SCAPER: variants seen among roughly 807,000 people sequenced by gnomAD.
SCAPER encodes the protein S-phase cyclin A associated protein in the ER.
SCAPER carries 98 observed loss-of-function variants against 182.2 expected under a neutral mutation model. The observed-to-expected ratio is 0.54, with a 90% CI of 0.46 to 0.64. The LOEUF (loss-of-function observed/expected upper bound fraction) is 0.64, where lower values mean the gene tolerates loss of function less well. Among genes scored for constraint, SCAPER ranks in the 30% least tolerant of loss-of-function variants. The pLI is 0.00. For missense variants in SCAPER, 1,432 were observed against 1,690.0 expected (o/e 0.85, Z 2.68); for synonymous variants, 605 against 564.6 (o/e 1.07, Z -1.01).
chr15:76,429,011 C>T (rs550896348), intron 26 of SCAPER, among the ~76,000 whole-genome samples: 5 of 151,196 alleles, frequency 3.3e-5, no homozygotes, highest in South Asian at 2.1e-4. Context: ...GGGAGGCAAT[C>T]GAATCATGGG....
chr15:76,811,887 T>C (rs1253749234), intron 5 of SCAPER, among the ~76,000 whole-genome samples: 2 of 151,600 alleles, frequency 1.3e-5, no homozygotes, highest in African/African-American at 2.4e-5. Flanking sequence ...TAAATACCTA[T>C]ATTGAAGAAG....
intron 2 of SCAPER, among the ~76,000 whole-genome samples, chr15:76,865,308 T>C (rs1227781078): frequency 6.6e-6 from 1 of 152,126 alleles, no homozygotes; most frequent in Non-Finnish European, 1.5e-5. Context: ...ACTCATTACC[T>C]TTAAAGCAAC....
At chr15:76,737,563 G>A (rs1014425880) in intron 15 of SCAPER, among the ~76,000 whole-genome samples, 9 of 152,208 alleles carry the variant, frequency 5.9e-5, no homozygotes, top group African/African-American at 1.9e-4. Context: ...GCTTCAACTT[G>A]AAGTCACCAG....
At chr15:76,504,768 A>T in intron 24 of SCAPER, 91 bp downstream of exon 24, 2 of 1,040,120 alleles carry the variant, frequency 1.9e-6, no homozygotes, top group Non-Finnish European at 2.7e-6. Context: ...GAATACACAT[A>T]CAATTTTCTT....
chr15:76,540,628 G>A (rs1282336844), intron 23 of SCAPER, among the ~76,000 whole-genome samples: 2 of 151,910 alleles, frequency 1.3e-5, no homozygotes, highest in Admixed American at 1.3e-4. Context: ...AAATTGTTAT[G>A]TCTGAGGAGA....
intron 1 of SCAPER, among the ~76,000 whole-genome samples, chr15:76,899,542 C>T (rs1398530771): frequency 6.6e-6 from 1 of 152,222 alleles, no homozygotes; most frequent in Non-Finnish European, 1.5e-5. Context: ...CCTGCCTTGG[C>T]CTCCCAAAGT....
At chr15:76,804,465 T>C (rs1403252722) in intron 6 of SCAPER, 68 bp downstream of exon 6, 1 of 1,018,620 alleles carries the variant, frequency 9.8e-7, no homozygotes, top group African/African-American at 1.6e-5. Flanking sequence ...TTAAGTTTAT[T>C]GTCCGTTTCA....
chr15:76,483,295 C>CA (rs61261703), intron 24 of SCAPER, among the ~76,000 whole-genome samples: 17,290 of 132,882 alleles, frequency 0.13, 1,450 homozygotes, highest in African/African-American at 0.27. Context: ...TATTCACATG[C>CA]AAAAAAAAAA....
At chr15:76,377,829 G>C (rs935940701) in intron 28 of SCAPER, among the ~76,000 whole-genome samples, 1 of 152,210 alleles carries the variant, frequency 6.6e-6, no homozygotes, top group Non-Finnish European at 1.5e-5. Flanking sequence ...TTGAAGAAGG[G>C]TGAAGGAGCA....
At chr15:76,413,598 C>T (rs1420856063) in intron 26 of SCAPER, among the ~76,000 whole-genome samples, 1 of 152,192 alleles carries the variant, frequency 6.6e-6, no homozygotes, top group African/African-American at 2.4e-5. Context: ...GTGATGATGT[C>T]TTCCTTTAGA....
intron 22 of SCAPER, among the ~76,000 whole-genome samples, chr15:76,574,982 C>A (rs914417708): frequency 6.6e-6 from 1 of 152,118 alleles, no homozygotes; most frequent in East Asian, 1.9e-4. Context: ...TATATATCAT[C>A]CCCGTTGCCT....
At chr15:76,872,790 T>TATGAATACAAAAGAGTATGAATACAAA (rs1419362191) in intron 2 of SCAPER, among the ~76,000 whole-genome samples, 58 of 151,768 alleles carry the variant, frequency 3.8e-4, no homozygotes, top group African/African-American at 1.4e-3. Flanking sequence ...GAATACAAAC[T>TATGAATACAAAAGAGTATGAATACAAA]ATATGAAAGT....
intron 21 of SCAPER, among the ~76,000 whole-genome samples, chr15:76,631,869 C>G (rs2053144078): frequency 6.6e-6 from 1 of 152,186 alleles, no homozygotes. Flanking sequence ...GGATGATATC[C>G]TAAAGTGTGT....
rs555757028 is a variant in SCAPER at position 76,844,691 on chromosome 15, A to T, written c.196-2760T>A. Among the ~76,000 whole-genome samples the T allele has an allele frequency of 1.6e-4, 25 of 152,264 alleles. No individual in the cohort carries two copies. The East Asian group carries it at 2.7e-3, about 16-fold the overall frequency. ...AAGAAATCCAAACCCTGCACAGACC[A>T]ATAACAAGTAACAAGATCAAAGCCA... On this transcript the variant is annotated intron_variant, in intron 4 of 31. Coordinates refer to ENST00000563290, the MANE Select transcript of SCAPER (RefSeq NM_020843.4).
intron 25 of SCAPER, among the ~76,000 whole-genome samples, chr15:76,458,433 C>T (rs911888839): frequency 2.0e-5 from 3 of 150,942 alleles, no homozygotes; most frequent in Non-Finnish European, 4.4e-5. Context: ...CATATATATA[C>T]ACATATATAC....
chr15:76,603,904 A>T lies in SCAPER; in HGVS notation c.2711+17860T>A, dbSNP rs184438860. 1.6e-4 allele frequency among the ~76,000 whole-genome samples: 19 copies of T among 119,870 alleles called. 6 individuals carry two copies. Among genetic ancestry groups the T allele is most frequent in the Admixed American group, 3.8e-4 (4 of 10,554 alleles). 78.6% of individuals were successfully genotyped at this position (119,870 alleles called of 152,430 possible). A position where few individuals can be genotyped will look rare whatever the true frequency, so the allele number is the denominator to read the frequency against. ...TTTTTTTTCTTGTAAATTTGAGTTC[A>T]TTGTAGATTCTGGATATTAGCCCTT... On this transcript the variant is annotated intron_variant, in intron 22 of 31. Coordinates refer to ENST00000563290, the MANE Select transcript of SCAPER (RefSeq NM_020843.4).
chr15:76,807,381 C>T (rs1006096684), intron 5 of SCAPER, among the ~76,000 whole-genome samples: 3 of 152,120 alleles, frequency 2.0e-5, no homozygotes, highest in African/African-American at 7.2e-5. Flanking sequence ...CCACTCTTAC[C>T]TTCCTGGACT....
chr15:76,354,931 C>T lies in SCAPER; in HGVS notation c.3856-791G>A, dbSNP rs1409452671. On this transcript the variant is annotated intron_variant, in intron 29 of 31. Transcript: ENST00000563290. This position sits in a 1 kb window ranked among gnomAD's most constrained non-coding sequence, Gnocchi z 4.4. ...TCTGTTTCAAGTAACCTTGATTAGA[C>T]AGTTCTAATATGAAAGAGCTGGGTG... Among the ~76,000 whole-genome samples, 1 of 152,188 alleles carries T rather than the reference C, an allele frequency of 6.6e-6. No individual in the cohort carries two copies. Among genetic ancestry groups the T allele is most frequent in the Non-Finnish European group, 1.5e-5 (1 of 68,036 alleles).
chr15:76,447,712 C>A (rs951370516), intron 25 of SCAPER, among the ~76,000 whole-genome samples: 55 of 152,176 alleles, frequency 3.6e-4, no homozygotes, highest in Non-Finnish European at 5.9e-5. Context: ...ATCTGAACTA[C>A]AAAACACATT....
Sources: allele counts gnomAD v4.1 joint callset (sites outside exome capture counted in the v4.1 genomes callset), GRCh38; gene constraint gnomAD v4.1.1; non-coding constraint Gnocchi (gnomAD v3.1); transcripts MANE v1.5; gene names NCBI Gene and HGNC (gene_info 2026-07-23, HGNC 2026-07-21).